RAD51B: variants seen among roughly 807,000 people sequenced by gnomAD.
The protein encoded by RAD51B is RAD51 paralog B, also known as DNA repair protein RAD51 homolog 2.
RAD51B carries 38 observed loss-of-function variants against 42.2 expected under a neutral mutation model. The observed-to-expected ratio is 0.90, with a 90% confidence interval of 0.70 to 1.18. The LOEUF (loss-of-function observed/expected upper bound fraction) is 1.18, where lower values mean the gene tolerates loss of function less well. Among genes scored for constraint, RAD51B ranks in the 50% most tolerant of loss-of-function variants. The pLI is 0.00. For synonymous variants in RAD51B, 154 were observed against 145.2 expected (o/e 1.06, Z -0.43); for missense variants, 373 against 400.7 (o/e 0.93, Z 0.59).
At chr14:67,916,998 G>T in intron 7 of RAD51B, among the ~76,000 whole-genome samples, 1 of 152,308 alleles carries the variant, frequency 6.6e-6, no homozygotes, top group South Asian at 2.1e-4. Context: ...AAGAAAGGAG[G>T]TGCAGAATTA....
At chr14:67,915,675 A>G (rs1367032293) in intron 7 of RAD51B, among the ~76,000 whole-genome samples, 3 of 152,236 alleles carry the variant, frequency 2.0e-5, no homozygotes, top group Non-Finnish European at 4.4e-5. Flanking sequence ...AAAGTATGTC[A>G]TTCTTATATA....
At chr14:67,823,371 AG>A (rs2040699279) in intron 1 of RAD51B, 170 bp from the exon 2 acceptor site, 1 of 480,298 alleles carries the variant, frequency 2.1e-6, no homozygotes. Flanking sequence ...ACATTTAAAA[AG>A]GTTCTATAGC....
downstream of RAD51B, among the ~76,000 whole-genome samples, chr14:68,482,320 G>A (rs1329060646): frequency 6.6e-6 from 1 of 151,934 alleles, no homozygotes; most frequent in Non-Finnish European, 1.5e-5. Context: ...CAGCCTACAG[G>A]GTGAACATTT....
At chr14:68,622,260 A>G (rs896065123) in intron 10 of RAD51B, among the ~76,000 whole-genome samples, 1 of 152,232 alleles carries the variant, frequency 6.6e-6, no homozygotes, top group Non-Finnish European at 1.5e-5. Context: ...CAGGGGCATC[A>G]TGGAGGAGGA....
chr14:68,214,876 A>G (rs925707144), intron 7 of RAD51B, among the ~76,000 whole-genome samples: 1 of 152,212 alleles, frequency 6.6e-6, no homozygotes, highest in African/African-American at 2.4e-5. Flanking sequence ...AACCTGTGAA[A>G]CCAGCCTTCT....
intron 7 of RAD51B, among the ~76,000 whole-genome samples, chr14:67,940,315 C>T (rs938084004): frequency 6.6e-6 from 1 of 151,158 alleles, no homozygotes; most frequent in African/African-American, 2.4e-5. Flanking sequence ...CTCAGGTGAT[C>T]CACCACCTGC....
chr14:68,321,982 C>T (rs2082165366), intron 8 of RAD51B, among the ~76,000 whole-genome samples: 3 of 152,132 alleles, frequency 2.0e-5, no homozygotes, highest in South Asian at 4.2e-4. Flanking sequence ...CCATGTTGCC[C>T]AGGCTGGTCT....
rs1226934442 is a variant in RAD51B at position 68,390,361 on chromosome 14, C to G, written c.854-21063C>G. ...GCCTGTTATCATTTTGGTTTACTTG[C>G]TAAATATTCACATTTGGGGTCTTCA... is the stretch of plus-strand genomic sequence containing the variant. On this transcript the variant is annotated intron_variant, in intron 8 of 10. Transcript: ENST00000471583. Among the ~76,000 whole-genome samples the G allele has an allele frequency of 5.9e-5, 9 of 152,302 alleles. No individual in the cohort carries two copies. The East Asian group carries it at 1.5e-3, about 26-fold the overall frequency.
At chr14:67,890,833 AT>A (rs1344899977) in intron 7 of RAD51B, among the ~76,000 whole-genome samples, 6 of 151,910 alleles carry the variant, frequency 3.9e-5, no homozygotes, top group Non-Finnish European at 5.9e-5. Flanking sequence ...CATAATTTGA[AT>A]TTTTTTATGC....
Position 68,411,517 on chromosome 14 carries a change from A to G in RAD51B, c.947A>G (p.Glu316Gly). The change falls in exon 9 of 11, where the codon GAG becomes GGG. Residue 316 changes from glutamate (E) to glycine (G), a missense_variant. Transcript: ENST00000471583. The part of the protein sequence containing the change: ...TRLILQYLDS[E>G]RRQILIAKSP... ...CTGATCCTCCAGTACCTTGATTCAGAGAGAAGACAGGTGGGTGCTTTGACA... is the reference window on the plus strand; with the variant it reads ...CTGATCCTCCAGTACCTTGATTCAGGGAGAAGACAGGTGGGTGCTTTGACA... 1 of 1,613,746 alleles carries G rather than the reference A, an allele frequency of 6.2e-7. No homozygotes were observed. The highest frequency in any genetic ancestry group is 1.1e-5 in the South Asian group (1 of 91,076).
At chr14:68,585,377 T>C (rs538422492) in intron 10 of RAD51B, among the ~76,000 whole-genome samples, 55 of 152,292 alleles carry the variant, frequency 3.6e-4, no homozygotes, top group African/African-American at 1.2e-3. Context: ...CGCATTTCCA[T>C]TGTGGAAGTG....
chr14:68,156,859 G>T (rs191785442), intron 7 of RAD51B, among the ~76,000 whole-genome samples: 1 of 151,932 alleles, frequency 6.6e-6, no homozygotes, highest in Admixed American at 6.6e-5. Flanking sequence ...TGGGTCACCT[G>T]GTTCCATAGC....
intron 10 of RAD51B, among the ~76,000 whole-genome samples, chr14:68,576,715 C>T (rs914671166): frequency 6.6e-6 from 1 of 152,140 alleles, no homozygotes; most frequent in Non-Finnish European, 1.5e-5. Context: ...TGTCATTTGG[C>T]TGCACTGGAG....
At chr14:68,068,591 T>C (rs2076691693) in intron 7 of RAD51B, among the ~76,000 whole-genome samples, 1 of 152,212 alleles carries the variant, frequency 6.6e-6, no homozygotes, top group African/African-American at 2.4e-5. Context: ...TGTTTAAAAG[T>C]TTTATATGGA....
chr14:67,846,812 A>G (rs536123734), intron 4 of RAD51B, among the ~76,000 whole-genome samples: 2 of 152,244 alleles, frequency 1.3e-5, no homozygotes, highest in African/African-American at 4.8e-5. Context: ...AAAGTCTCCT[A>G]GGAGAGCATG....
chr14:67,904,367 CA>C lies in RAD51B; in HGVS notation c.756+17164del, dbSNP rs368134459. Among the ~76,000 whole-genome samples, 46 of 152,248 alleles carry C rather than the reference CA, an allele frequency of 3.0e-4. No homozygotes were observed. The East Asian group carries it at 6.9e-3, about 23-fold the overall frequency. Reference sequence around the variant, plus strand: ...CTAAACTTATTAACATTCCTACCAACAGTGTATAAGCATTCCCTTTTCTCTG... The same window carrying C: ...CTAAACTTATTAACATTCCTACCAACGTGTATAAGCATTCCCTTTTCTCTG... On this transcript the variant is annotated intron_variant, in intron 7 of 10. Coordinates refer to ENST00000471583, the MANE Select transcript of RAD51B (RefSeq NM_133510.4).
chr14:68,487,774 G>T (rs1883744580), intron 10 of RAD51B, among the ~76,000 whole-genome samples: 1 of 152,152 alleles, frequency 6.6e-6, no homozygotes, highest in Non-Finnish European at 1.5e-5. Flanking sequence ...CTCTCAAAGT[G>T]TTGGATTACA....
chr14:68,317,245 T>C (rs1240653968), intron 8 of RAD51B, among the ~76,000 whole-genome samples: 1 of 152,164 alleles, frequency 6.6e-6, no homozygotes, highest in Non-Finnish European at 1.5e-5. Context: ...ATGGTTATAA[T>C]GAGAAGGAGC....
intron 7 of RAD51B, among the ~76,000 whole-genome samples, chr14:68,060,266 A>G (rs2076546678): frequency 1.3e-5 from 2 of 152,210 alleles, no homozygotes; most frequent in Admixed American, 1.3e-4. Context: ...AAGAATTAAA[A>G]TGTTTTAATT....
Sources: gnomAD v4.1 joint callset for allele counts (sites outside exome capture counted in the v4.1 genomes callset) on GRCh38, gnomAD v4.1.1 for gene constraint, MANE v1.5 for transcripts, NCBI Gene and HGNC (gene_info 2026-07-23, HGNC 2026-07-21) for gene names.